RECQL: variants seen among roughly 807,000 people sequenced by gnomAD.
RECQL encodes the protein RecQ like helicase.
Under a neutral mutation model 75.8 loss-of-function variants are expected in RECQL, and 73 were observed. The observed-to-expected ratio is 0.96, with a 90% CI of 0.80 to 1.17. The LOEUF (loss-of-function observed/expected upper bound fraction) is 1.17, where lower values mean the gene tolerates loss of function less well. RECQL is among the 50% of genes most tolerant of loss of function. RECQL has a pLI of 0.00. For synonymous variants in RECQL, 248 were observed against 254.4 expected, an observed-to-expected ratio of 0.97 and a Z score of 0.24; for missense variants, 699 against 772.1, an observed-to-expected ratio of 0.91 and a Z score of 1.12.
rs541073611 is a variant in RECQL at position 21,469,870 on chromosome 12, A to C, written c.*324T>G. ...TAATATTGCTTTCAAAAAGATAGTT[A>C]TGTCAAAAGAAAAAATATAGCTAAG... On this transcript the variant is annotated 3_prime_UTR_variant, in exon 15 of 15. Transcript: ENST00000444129. The C allele has an allele frequency of 1.0e-5, 2 of 195,906 alleles. No homozygotes were observed. Among genetic ancestry groups the C allele is most frequent in the African/African-American group, 4.7e-5 (2 of 42,182 alleles). The allele number at this position is 195,906 out of a possible 1,614,324, so 12.1% of individuals were successfully genotyped here.
chr12:21,471,325 A>G, intron 13 of RECQL, 103 bp downstream of exon 13: 1 of 1,122,696 alleles, frequency 8.9e-7, no homozygotes, highest in Non-Finnish European at 1.3e-6. Context: ...TATAGCATTT[A>G]AAAGTTCACA....
At chr12:21,491,162 G>C (rs1171247585) in intron 3 of RECQL, among the ~76,000 whole-genome samples, 1 of 152,114 alleles carries the variant, frequency 6.6e-6, no homozygotes, top group Non-Finnish European at 1.5e-5. Context: ...ATAAGGTCTT[G>C]AATCATGAAA....
chr12:21,482,374 G>A (rs1262112816), intron 6 of RECQL, among the ~76,000 whole-genome samples: 1 of 152,082 alleles, frequency 6.6e-6, no homozygotes, highest in East Asian at 1.9e-4. Context: ...TACAAGTTAG[G>A]GCCTGAATAG....
In RECQL at chr12:21,499,541, T is replaced by G; in HGVS notation, c.16+14A>C. 1 of 1,580,076 alleles carries G rather than the reference T, an allele frequency of 6.3e-7. No individual in the cohort carries two copies. The highest frequency in any genetic ancestry group is 8.6e-7 in the Non-Finnish European group (1 of 1,164,042). ...GAACAGAAGGAAGAAGAAAATGTAATCATTGCTACTAACCTGAAACGGACG... is the reference window on the plus strand; with the variant it reads ...GAACAGAAGGAAGAAGAAAATGTAAGCATTGCTACTAACCTGAAACGGACG... On this transcript the variant is annotated intron_variant, in intron 2 of 14. Transcript: ENST00000444129.
chr12:21,495,826 G>A (rs183087745), intron 2 of RECQL, among the ~76,000 whole-genome samples: 1 of 152,258 alleles, frequency 6.6e-6, no homozygotes, highest in Admixed American at 6.5e-5. Context: ...GGGCAGGGTT[G>A]GTGATCTCAT....
At chr12:21,481,627 A>T (rs1943193575) in intron 6 of RECQL, among the ~76,000 whole-genome samples, 1 of 152,160 alleles carries the variant, frequency 6.6e-6, no homozygotes, top group African/African-American at 2.4e-5. Flanking sequence ...TCTATTTAAA[A>T]TATATAAATA....
intron 2 of RECQL, 146 bp from the exon 3 acceptor site, chr12:21,491,862 T>A: frequency 1.4e-6 from 1 of 730,172 alleles, no homozygotes; most frequent in Non-Finnish European, 2.2e-6. Context: ...TGTTTTTGAG[T>A]CATATAGACC....
rs971243156 is a variant in RECQL at position 21,483,580 on chromosome 12, A to G, written c.502-6T>C. 7.1e-6 allele frequency: 11 copies of G among 1,558,272 alleles called. No homozygotes were observed. Among genetic ancestry groups the G allele is most frequent in the Non-Finnish European group, 8.6e-6 (10 of 1,160,180 alleles). On this transcript the variant is annotated splice_polypyrimidine_tract_variant and splice_region_variant and intron_variant, in intron 5 of 14. Transcript: ENST00000444129. Reference sequence around the variant, plus strand: ...TGAACCCATTTAACATGCTCCTATTAAAAGAAAAAAATAGACACAATGATA... The same window carrying G: ...TGAACCCATTTAACATGCTCCTATTGAAAGAAAAAAATAGACACAATGATA...
At position 21,477,856 on chromosome 12, in the gene RECQL, C is replaced by T; in HGVS notation, c.814G>A (p.Glu272Lys). ...LTDAQKILCI[E>K]KCFTFTASFN... Reference sequence around the variant, plus strand: ...GAAGCTGTAAAAGTAAAACACTTTTCAATGCACAAAATTTTCTGAGCATCC... The same window carrying T: ...GAAGCTGTAAAAGTAAAACACTTTTTAATGCACAAAATTTTCTGAGCATCC... The change falls in exon 7 of 15, where the codon GAA (glutamate) becomes AAA (lysine). Residue 272 changes from glutamate to lysine, a missense_variant. Physicochemically the swap from Glu to Lys is moderately conservative, Grantham distance 56. Transcript: ENST00000444129. 1 of 1,613,768 alleles carries T rather than the reference C, an allele frequency of 6.2e-7. No homozygotes were observed. Among genetic ancestry groups the T allele is most frequent in the South Asian group, 1.1e-5 (1 of 90,994 alleles).
intron 14 of RECQL, 45 bp from the exon 15 acceptor site, chr12:21,470,391 C>G (rs1273332927): frequency 6.0e-6 from 9 of 1,490,360 alleles, no homozygotes; most frequent in Admixed American, 5.5e-5. Flanking sequence ...TGGTAAAAAT[C>G]CAGCTATTCA....
At chr12:21,473,212 T>A (rs1180287504) in intron 12 of RECQL, among the ~76,000 whole-genome samples, 1 of 152,128 alleles carries the variant, frequency 6.6e-6, no homozygotes, top group Non-Finnish European at 1.5e-5. Flanking sequence ...GATTATATAA[T>A]ACCATATATT....
intron 6 of RECQL, among the ~76,000 whole-genome samples, chr12:21,479,944 C>T (rs1943161430): frequency 6.6e-6 from 1 of 152,126 alleles, no homozygotes; most frequent in Non-Finnish European, 1.5e-5. Flanking sequence ...AAATGTTGAA[C>T]ACCTTTTTAA....
chr12:21,487,135 T>C (rs538740862), intron 4 of RECQL, among the ~76,000 whole-genome samples: 1 of 152,270 alleles, frequency 6.6e-6, no homozygotes, highest in African/African-American at 2.4e-5. Context: ...AACTCTATCC[T>C]TATAAAAATA....
rs1943072089 is a variant in RECQL at position 21,475,671 on chromosome 12, C to A, written c.1098+5G>T. The A allele has an allele frequency of 1.9e-6, 3 of 1,612,892 alleles. No individual in the cohort carries two copies. The highest frequency in any genetic ancestry group is 1.3e-5 in the African/African-American group (1 of 74,844). ...TTAGGCTTCTATGGAAGATATAGAC[C>A]TAACCTGAATTTCATTGGCTGACCA... On this transcript the variant is annotated splice_donor_5th_base_variant and intron_variant, in intron 9 of 14. Coordinates refer to ENST00000444129, the MANE Select transcript of RECQL (RefSeq NM_002907.4).
At chr12:21,476,810 T>G in intron 8 of RECQL, 101 bp downstream of exon 8, 1 of 579,392 alleles carries the variant, frequency 1.7e-6, no homozygotes, top group Non-Finnish European at 2.9e-6. Flanking sequence ...TACATTAATT[T>G]TTTTTGGTGT....
intron 5 of RECQL, among the ~76,000 whole-genome samples, chr12:21,486,061 C>T (rs993656087): frequency 7.2e-5 from 11 of 152,152 alleles, no homozygotes; most frequent in African/African-American, 2.7e-4. Flanking sequence ...GCAAATGTTT[C>T]CTGTAAAGTA....
chr12:21,478,100 G>T, intron 6 of RECQL, 131 bp from the exon 7 acceptor site: 1 of 823,760 alleles, frequency 1.2e-6, no homozygotes, highest in Non-Finnish European at 1.8e-6. Flanking sequence ...CAGTAAATTT[G>T]CAGTTCTGTG....
chr12:21,471,508 T>C lies in RECQL; in HGVS notation c.1587A>G (p.Val529=), dbSNP rs1295616067. 2 of 1,612,912 alleles carry C rather than the reference T, an allele frequency of 1.2e-6. No individual in the cohort carries two copies. Among genetic ancestry groups the C allele is most frequent in the Admixed American group, 1.7e-5 (1 of 59,862 alleles). Reference sequence around the variant, plus strand: ...GAAGTGTGGGAGCCACAACACCTGCTACTCTCAGTTTTGCTGCACCCTTTC... The same window carrying C: ...GAAGTGTGGGAGCCACAACACCTGCCACTCTCAGTTTTGCTGCACCCTTTC... ...WMGKGAAKLR[V]AGVVAPTLPR... The change falls in exon 13 of 15, where the codon GTA becomes GTG. Residue 529 remains valine, a synonymous_variant. Coordinates refer to ENST00000444129, the MANE Select transcript of RECQL (RefSeq NM_002907.4).
At chr12:21,473,710 C>T in intron 11 of RECQL, 68 bp from the exon 12 acceptor site, 5 of 1,348,370 alleles carry the variant, frequency 3.7e-6, no homozygotes, top group South Asian at 3.7e-5. Flanking sequence ...TCTATTTCAG[C>T]TTACATAGTT....
Sources: gnomAD v4.1 joint callset for allele counts (sites outside exome capture counted in the v4.1 genomes callset) on GRCh38, gnomAD v4.1.1 for gene constraint, MANE v1.5 for transcripts, NCBI Gene and HGNC (gene_info 2026-07-23, HGNC 2026-07-21) for gene names.